Variants in CDH18 observed in about 807,000 individuals in gnomAD.
CDH18 encodes cadherin-18.
Under a neutral mutation model 67.9 loss-of-function variants are expected in CDH18, and 31 were observed. That is an observed-to-expected ratio of 0.46 (90% CI 0.34 to 0.62). The LOEUF (loss-of-function observed/expected upper bound fraction) is 0.62. CDH18 is among the 20% of genes least tolerant of loss of function. The pLI is 0.01. For synonymous variants in CDH18, 362 were observed against 347.2 expected (o/e 1.04, Z -0.48); for missense variants, 890 against 975.5 (o/e 0.91, Z 1.17).
intron 5 of CDH18, among the ~76,000 whole-genome samples, chr5:19,715,815 CTTTTT>C (rs35593653): frequency 8.4e-6 from 1 of 119,376 alleles, no homozygotes; most frequent in Non-Finnish European, 1.8e-5. Context: ...TTGTCGATCT[CTTTTT>C]TTTTTTTTTT....
intron 1 of CDH18, among the ~76,000 whole-genome samples, chr5:20,406,174 G>A (rs950814866): frequency 5.3e-5 from 8 of 152,082 alleles, no homozygotes; most frequent in African/African-American, 1.2e-4. Context: ...CAAAGACTTG[G>A]AACCAACCCA....
intron 1 of CDH18, among the ~76,000 whole-genome samples, chr5:20,357,839 T>C (rs1562000294): frequency 1.3e-5 from 2 of 152,254 alleles, no homozygotes; most frequent in South Asian, 2.1e-4. Context: ...AAAGGACATA[T>C]GCACTTGCAT....
chr5:19,514,764 A>G (rs1444293129), intron 10 of CDH18, among the ~76,000 whole-genome samples: 1 of 152,200 alleles, frequency 6.6e-6, no homozygotes, highest in Non-Finnish European at 1.5e-5. Flanking sequence ...TCAGATGAGT[A>G]GATTGCAAAA....
At chr5:20,281,341 G>A (rs1458730249) in intron 1 of CDH18, among the ~76,000 whole-genome samples, 1 of 152,122 alleles carries the variant, frequency 6.6e-6, no homozygotes, top group Non-Finnish European at 1.5e-5. Context: ...ATGGTTTTAG[G>A]TCTAACATTT....
chr5:19,493,816 CATTT>C (rs1450000891), intron 11 of CDH18, among the ~76,000 whole-genome samples: 3 of 152,014 alleles, frequency 2.0e-5, no homozygotes, highest in South Asian at 4.1e-4. Context: ...ATCTTATTGT[CATTT>C]GGCAATAATA....
intron 5 of CDH18, among the ~76,000 whole-genome samples, chr5:19,696,500 C>T (rs907086446): frequency 6.6e-6 from 1 of 151,480 alleles, no homozygotes; most frequent in African/African-American, 2.4e-5. Flanking sequence ...TGATCCACTG[C>T]ACTCCAGCTT....
In CDH18 at chr5:20,469,554, C is replaced by T. The variant is rs367838148; in HGVS notation, c.-580+105908G>A. ...TTCACAAGTTTGCTGTAACGGATAC[C>T]CCGATCTTCCTTGAGGATACTTCTT... On this transcript the variant is annotated intron_variant, in intron 1 of 14. Transcript: ENST00000507958. 4.6e-5 allele frequency among the ~76,000 whole-genome samples: 7 copies of T among 152,164 alleles called. No homozygotes were observed. The East Asian group carries it at 7.8e-4, about 17-fold the overall frequency.
chr5:19,737,690 C>A (rs925095348), intron 4 of CDH18, among the ~76,000 whole-genome samples: 2 of 152,066 alleles, frequency 1.3e-5, no homozygotes, highest in African/African-American at 4.8e-5. Context: ...TATCACATAT[C>A]CTGATTGTTT....
At chr5:20,367,498 T>C (rs1260510590) in intron 1 of CDH18, among the ~76,000 whole-genome samples, 1 of 152,198 alleles carries the variant, frequency 6.6e-6, no homozygotes, top group Admixed American at 6.5e-5. Context: ...GCTGGGATAG[T>C]TAGGCAAATA....
At chr5:19,741,737 A>G (rs905288454) in intron 4 of CDH18, among the ~76,000 whole-genome samples, 4 of 152,094 alleles carry the variant, frequency 2.6e-5, no homozygotes, top group Non-Finnish European at 4.4e-5. Flanking sequence ...GACATTTTTA[A>G]TTCTTTATAT....
intron 6 of CDH18, among the ~76,000 whole-genome samples, chr5:19,608,682 C>T (rs1285421128): frequency 6.6e-6 from 1 of 151,784 alleles, no homozygotes; most frequent in East Asian, 1.9e-4. Context: ...AAACCAACTG[C>T]AGTCACAAGT....
At chr5:20,476,274 A>G (rs187566905) in intron 1 of CDH18, among the ~76,000 whole-genome samples, 1 of 151,586 alleles carries the variant, frequency 6.6e-6, no homozygotes, top group African/African-American at 2.4e-5. Context: ...GAGATGAATT[A>G]TTTTCACTGA....
At chr5:19,536,226 T>C (rs1485252194) in intron 9 of CDH18, among the ~76,000 whole-genome samples, 2 of 152,102 alleles carry the variant, frequency 1.3e-5, no homozygotes, top group Non-Finnish European at 2.9e-5. Context: ...ATAAGTGTTA[T>C]ACTTAATGCA....
intron 3 of CDH18, among the ~76,000 whole-genome samples, chr5:19,753,325 G>T (rs1771106675): frequency 1.3e-5 from 2 of 152,180 alleles, no homozygotes; most frequent in African/African-American, 4.8e-5. Context: ...CAATGAAATA[G>T]ATTGCATAAA....
intron 2 of CDH18, among the ~76,000 whole-genome samples, chr5:19,883,199 A>G (rs903274349): frequency 6.6e-6 from 1 of 152,176 alleles, no homozygotes; most frequent in Non-Finnish European, 1.5e-5. Flanking sequence ...AGCTTTTCAG[A>G]TGATTCTTAT....
intron 3 of CDH18, among the ~76,000 whole-genome samples, chr5:19,826,429 G>A (rs1171808832): frequency 2.0e-5 from 3 of 152,114 alleles, no homozygotes; most frequent in Non-Finnish European, 2.9e-5. Context: ...ACAGTCATCA[G>A]ATTCTCCAAG....
At chr5:19,746,566 A>C (rs1770023026) in intron 4 of CDH18, among the ~76,000 whole-genome samples, 1 of 152,208 alleles carries the variant, frequency 6.6e-6, no homozygotes, top group Admixed American at 6.5e-5. Flanking sequence ...ACATTCTAGA[A>C]TCTTTCTTCT....
At chr5:20,423,841 G>C (rs1748053108) in intron 1 of CDH18, among the ~76,000 whole-genome samples, 2 of 149,384 alleles carry the variant, frequency 1.3e-5, no homozygotes, top group Admixed American at 1.3e-4. Flanking sequence ...CAGCTACTCG[G>C]GAGGCTGAGG....
At chr5:19,865,445 T>C (rs917542343) in intron 2 of CDH18, among the ~76,000 whole-genome samples, 61 of 152,168 alleles carry the variant, frequency 4.0e-4, no homozygotes, top group African/African-American at 1.4e-3. Flanking sequence ...GTAAATTCTA[T>C]CCGGGCAAAT....
Sources: gnomAD v4.1 joint callset for allele counts (sites outside exome capture counted in the v4.1 genomes callset) on GRCh38, gnomAD v4.1.1 for gene constraint, MANE v1.5 for transcripts, NCBI Gene and HGNC (gene_info 2026-07-23, HGNC 2026-07-21) for gene names.